Variants in CNTN3 observed in about 807,000 individuals in gnomAD.
CNTN3 encodes contactin 3.
CNTN3 carries 60 observed loss-of-function variants against 119.1 expected under a neutral mutation model. The observed-to-expected ratio is 0.50, with a 90% CI of 0.41 to 0.62. The LOEUF is 0.62. Ranked by LOEUF, CNTN3 falls within the 20% of genes least tolerant of loss-of-function variation. The pLI, the probability that CNTN3 is intolerant of heterozygous loss-of-function variation, is 0.00. For missense variants in CNTN3, 1,101 were observed against 1,242.4 expected (o/e 0.89, Z 1.71); for synonymous variants, 450 against 438.7 (o/e 1.03, Z -0.32).
chr3:74,390,609 T>C (rs904450286), intron 5 of CNTN3, among the ~76,000 whole-genome samples: 2 of 152,136 alleles, frequency 1.3e-5, no homozygotes, highest in Admixed American at 6.5e-5. Context: ...TTACTTGGAA[T>C]TGTACACTGT....
At chr3:74,465,435 G>T (rs1702444610) in intron 4 of CNTN3, among the ~76,000 whole-genome samples, 1 of 151,902 alleles carries the variant, frequency 6.6e-6, no homozygotes. Context: ...GACCATAAAA[G>T]GTAAAAACAG....
intron 16 of CNTN3, 97 bp downstream of exon 16, chr3:74,301,301 T>C (rs1011321574): frequency 2.6e-5 from 33 of 1,258,764 alleles, no homozygotes; most frequent in Non-Finnish European, 3.2e-5. Flanking sequence ...CAATGGATTA[T>C]TGAGGCTGAC....
At chr3:74,346,298 GTC>G (rs1376973830) in intron 11 of CNTN3, among the ~76,000 whole-genome samples, 1 of 152,014 alleles carries the variant, frequency 6.6e-6, no homozygotes, top group African/African-American at 2.4e-5. Context: ...AGTTAAAGGT[GTC>G]TCTTTTTTAG....
In CNTN3 at chr3:74,561,014, C is replaced by A. The variant is rs368882350; in HGVS notation, c.-80-39822G>T. Among the ~76,000 whole-genome samples, 4 of 107,252 alleles carry A rather than the reference C, an allele frequency of 3.7e-5. No homozygotes were observed. The South Asian group carries it at 1.2e-3, about 33-fold the overall frequency. 70.4% of individuals were successfully genotyped at this position (107,252 alleles called of 152,430 possible). On this transcript the variant is annotated intron_variant, in intron 1 of 22. Coordinates refer to ENST00000263665, the MANE Select transcript of CNTN3 (RefSeq NM_020872.3). The stretch of plus-strand genomic sequence containing the variant: ...ACACAGGGTGGGGAACATCATACAC[C>A]GGGACCTGTTGTGGGATGGGGGGAG...
intron 1 of CNTN3, among the ~76,000 whole-genome samples, chr3:74,589,654 A>C (rs879864492): frequency 2.0e-5 from 3 of 147,682 alleles, no homozygotes; most frequent in African/African-American, 7.6e-5. Context: ...AGACACATGC[A>C]CACGTATGTT....
intron 1 of CNTN3, among the ~76,000 whole-genome samples, chr3:74,600,153 C>A (rs1048817831): frequency 1.3e-5 from 2 of 151,648 alleles, no homozygotes; most frequent in Non-Finnish European, 2.9e-5. Flanking sequence ...GGCTCTCTGA[C>A]CTAAAGAGCG....
At chr3:74,544,130 C>A (rs59364631) in intron 1 of CNTN3, among the ~76,000 whole-genome samples, 4,193 of 152,214 alleles carry the variant, frequency 0.028, 77 homozygotes, top group Admixed American at 0.057. Context: ...TGATCACAGA[C>A]CACGAGGCAG....
At chr3:74,515,453 A>G (rs997591516) in intron 2 of CNTN3, among the ~76,000 whole-genome samples, 1 of 152,044 alleles carries the variant, frequency 6.6e-6, no homozygotes, top group Admixed American at 6.6e-5. Context: ...AAGATGGCAT[A>G]CACATACTAT....
chr3:74,478,362 C>T (rs1428284029), intron 4 of CNTN3, among the ~76,000 whole-genome samples: 2 of 152,016 alleles, frequency 1.3e-5, no homozygotes, highest in Admixed American at 6.6e-5. Context: ...TGAGTGCCCT[C>T]CCCCACACTA....
intron 20 of CNTN3, among the ~76,000 whole-genome samples, chr3:74,282,867 G>A (rs1038821251): frequency 3.9e-5 from 6 of 151,976 alleles, no homozygotes; most frequent in Non-Finnish European, 8.8e-5. Flanking sequence ...GCCATTTTAG[G>A]ATGACTGGGG....
intron 2 of CNTN3, among the ~76,000 whole-genome samples, chr3:74,520,503 C>T (rs1359509879): frequency 1.3e-5 from 2 of 151,292 alleles, no homozygotes; most frequent in Non-Finnish European, 3.0e-5. Flanking sequence ...AAAGAAAATA[C>T]AACAAATGAT....
At chr3:74,586,797 C>T (rs1704600305) in intron 1 of CNTN3, among the ~76,000 whole-genome samples, 1 of 152,030 alleles carries the variant, frequency 6.6e-6, no homozygotes, top group African/African-American at 2.4e-5. Flanking sequence ...AGCCATAACT[C>T]AAGCAGGACC....
At chr3:74,329,033 A>G (rs1196030565) in intron 13 of CNTN3, among the ~76,000 whole-genome samples, 1 of 152,232 alleles carries the variant, frequency 6.6e-6, no homozygotes, top group Non-Finnish European at 1.5e-5. Context: ...TTTCCTTTAC[A>G]TAAAATTGTT....
intron 2 of CNTN3, among the ~76,000 whole-genome samples, chr3:74,519,968 T>G (rs1451920135): frequency 6.6e-6 from 1 of 151,698 alleles, no homozygotes; most frequent in Non-Finnish European, 1.5e-5. Flanking sequence ...TGTTTGAACT[T>G]TGACATAAGA....
At chr3:74,449,791 G>C (rs746090048) in intron 4 of CNTN3, among the ~76,000 whole-genome samples, 4 of 152,084 alleles carry the variant, frequency 2.6e-5, no homozygotes, top group Non-Finnish European at 5.9e-5. Context: ...AGAATGAATA[G>C]CTGAATACTT....
intron 1 of CNTN3, among the ~76,000 whole-genome samples, chr3:74,555,844 C>A (rs2107167522): frequency 6.6e-6 from 1 of 152,040 alleles, no homozygotes; most frequent in Non-Finnish European, 1.5e-5. Flanking sequence ...TTTTGTTGAT[C>A]TTTTCAAAAA....
At chr3:74,599,125 G>A (rs1704864063) in intron 1 of CNTN3, among the ~76,000 whole-genome samples, 1 of 152,040 alleles carries the variant, frequency 6.6e-6, no homozygotes, top group Non-Finnish European at 1.5e-5. Context: ...ATGGTTGCAA[G>A]AATTCAAGCA....
chr3:74,332,151 G>T (rs1703280401), intron 13 of CNTN3, among the ~76,000 whole-genome samples: 1 of 152,128 alleles, frequency 6.6e-6, no homozygotes, highest in Non-Finnish European at 1.5e-5. Flanking sequence ...TTTGGAAACG[G>T]GATATATCTA....
chr3:74,579,530 CAA>C (rs1405147550), intron 1 of CNTN3, among the ~76,000 whole-genome samples: 1 of 151,964 alleles, frequency 6.6e-6, no homozygotes, highest in Non-Finnish European at 1.5e-5. Flanking sequence ...CTCTATAAAA[CAA>C]GTTTCAAAAA....
Sources: allele counts gnomAD v4.1 joint callset (sites outside exome capture counted in the v4.1 genomes callset), GRCh38; gene constraint gnomAD v4.1.1; transcripts MANE v1.5; gene names NCBI Gene and HGNC (gene_info 2026-07-23, HGNC 2026-07-21).